The following CPNE5 variants were observed in gnomAD, a reference collection of about 807,000 sequenced individuals.
CPNE5 encodes the protein copine-5.
CPNE5 carries 42 observed loss-of-function variants against 81.1 expected under a neutral mutation model. That is an observed-to-expected ratio of 0.52 (90% CI 0.40 to 0.67). CPNE5 has a LOEUF of 0.67. CPNE5 is among the 30% of genes least tolerant of loss of function. The probability of loss-of-function intolerance (pLI) is 0.00; values close to 1 mark genes in which losing one functional copy is unlikely to be tolerated. For missense variants in CPNE5, 612 were observed against 815.5 expected, an observed-to-expected ratio of 0.75 and a Z score of 3.04; for synonymous variants, 313 against 321.5, an observed-to-expected ratio of 0.97 and a Z score of 0.28.
At chr6:36,761,659 A>G (rs893374898) in intron 12 of CPNE5, among the ~76,000 whole-genome samples, 1 of 152,208 alleles carries the variant, frequency 6.6e-6, no homozygotes, top group Non-Finnish European at 1.5e-5. Flanking sequence ...ATGGTGACAG[A>G]AGACAGTGCT....
chr6:36,746,248 C>A lies in CPNE5; in HGVS notation c.1200+148G>T, dbSNP rs1402892467. ...CAGGGAAGGGAGTGGATTTCTGGAG[C>A]CCCCCTACACACAGCAGGCAGTCTA... On this transcript the variant is annotated intron_variant, in intron 16 of 20. Transcript: ENST00000244751. This position sits in a 1 kb window ranked among gnomAD's most constrained non-coding sequence, Gnocchi z 4.5. 7.2e-7 allele frequency: 1 copy of A among 1,380,822 alleles called. No individual in the cohort carries two copies. The allele number at this position is 1,380,822 out of a possible 1,614,324, so 85.5% of individuals were successfully genotyped here. A position where few individuals can be genotyped will look rare whatever the true frequency, so the allele number is the denominator to read the frequency against.
At chr6:36,788,764 T>G (rs1392708569) in intron 8 of CPNE5, among the ~76,000 whole-genome samples, 1 of 146,760 alleles carries the variant, frequency 6.8e-6, no homozygotes, top group Non-Finnish European at 1.5e-5. Flanking sequence ...CAAGTACCAT[T>G]CGATAGTATT....
chr6:36,839,356 C>G lies in CPNE5; in HGVS notation c.22G>C (p.Ala8Pro), dbSNP rs768313580. Residue 8 changes from alanine (A) to proline (P), a missense_variant, in exon 1 of 21, where the codon GCG (alanine) becomes CCG (proline). Transcript: ENST00000244751. The surrounding 1 kb of genome is among the most constrained non-coding windows in gnomAD (Gnocchi z 7.3). Reference sequence around the variant, plus strand: ...AAGGAGTCGAACTCGCTCAGCGACGCCATGTCCTCAGGCTGCTCCATCGCC... The same window carrying G: ...AAGGAGTCGAACTCGCTCAGCGACGGCATGTCCTCAGGCTGCTCCATCGCC... MEQPEDMASLSEFDSLAG... is the reference protein window; with the variant it reads MEQPEDMPSLSEFDSLAG... 7.7e-6 allele frequency: 12 copies of G among 1,553,468 alleles called. No individual in the cohort carries two copies. In the Admixed American group the frequency reaches 1.3e-4, roughly 17 times the overall value.
At chr6:36,750,738 G>T (rs565694314) in intron 14 of CPNE5, among the ~76,000 whole-genome samples, 2 of 152,124 alleles carry the variant, frequency 1.3e-5, no homozygotes, top group African/African-American at 4.8e-5. Flanking sequence ...TGAAAGTCCC[G>T]CTCCCAGGGC....
chr6:36,768,582 T>G (rs1250052136), intron 10 of CPNE5, among the ~76,000 whole-genome samples: 1 of 152,156 alleles, frequency 6.6e-6, no homozygotes, highest in African/African-American at 2.4e-5. Flanking sequence ...CTGAAGTCAC[T>G]GCAGATGTCA....
chr6:36,811,439 T>C (rs1771094963), intron 3 of CPNE5, among the ~76,000 whole-genome samples: 1 of 152,226 alleles, frequency 6.6e-6, no homozygotes, highest in African/African-American at 2.4e-5. Context: ...CGAATTAGCT[T>C]ATTTACTCCT....
chr6:36,776,621 A>C (rs1378795648), intron 9 of CPNE5, among the ~76,000 whole-genome samples: 1 of 152,068 alleles, frequency 6.6e-6, no homozygotes, highest in African/African-American at 2.4e-5. Context: ...CTAGGCTCCA[A>C]ATACCACCCC....
chr6:36,787,994 G>T (rs1421191368), intron 8 of CPNE5, among the ~76,000 whole-genome samples: 1 of 151,902 alleles, frequency 6.6e-6, no homozygotes, highest in Non-Finnish European at 1.5e-5. Flanking sequence ...AGGGCAAAGA[G>T]CTATCCAACC....
rs746867344 is a variant in CPNE5, at chr6:36,775,043, C to T, written c.655G>A (p.Glu219Lys). ...DGTFTICHKTEVMKNTLNPVW... is the reference protein window; with the variant it reads ...DGTFTICHKTKVMKNTLNPVW... ...GGATTTAGGGTGTTCTTCATGACCTCGGTCTTGTGGCAAATGGTGAACCTG... is the reference window on the plus strand; with the variant it reads ...GGATTTAGGGTGTTCTTCATGACCTTGGTCTTGTGGCAAATGGTGAACCTG... Residue 219 changes from glutamate (E) to lysine (K), a missense_variant, in exon 10 of 21, where the codon GAG becomes AAG. Coordinates refer to ENST00000244751, the MANE Select transcript of CPNE5 (RefSeq NM_020939.2). 1.2e-6 allele frequency: 2 copies of T among 1,614,116 alleles called. No individual in the cohort carries two copies. The highest frequency in any genetic ancestry group is 1.7e-6 in the Non-Finnish European group (2 of 1,179,980).
At position 36,742,537 on chromosome 6, in the gene CPNE5, C is replaced by T. The variant is rs765688295; in HGVS notation, c.1564-51G>A. Reference sequence around the variant, plus strand: ...GCAGTGCCTCCTGTGGGACCCTGGCCCCCAAAATCTCCAGGCCTGGGGTTG... The same window carrying T: ...GCAGTGCCTCCTGTGGGACCCTGGCTCCCAAAATCTCCAGGCCTGGGGTTG... On this transcript the variant is annotated intron_variant, in intron 20 of 20. Transcript: ENST00000244751. The T allele has an allele frequency of 1.0e-5, 16 of 1,578,150 alleles. No individual in the cohort carries two copies. The South Asian group carries it at 1.1e-4, about 11-fold the overall frequency.
At chr6:36,818,283 C>A (rs1771737024) in intron 3 of CPNE5, among the ~76,000 whole-genome samples, 1 of 152,182 alleles carries the variant, frequency 6.6e-6, no homozygotes, top group African/African-American at 2.4e-5. Context: ...CTCCCCTGAA[C>A]TCCCATTTTC....
intron 9 of CPNE5, among the ~76,000 whole-genome samples, chr6:36,778,052 C>T (rs1357783813): frequency 1.3e-5 from 2 of 152,190 alleles, no homozygotes; most frequent in African/African-American, 2.4e-5. Flanking sequence ...TAAGTGGCCA[C>T]AGCCTGCCAG....
At position 36,774,947 on chromosome 6, in the gene CPNE5, T is replaced by A; in HGVS notation, c.737+14A>T. The A allele has an allele frequency of 6.2e-7, 1 of 1,603,218 alleles. No homozygotes were observed. The highest frequency in any genetic ancestry group is 8.5e-7 in the Non-Finnish European group (1 of 1,170,310). ...AAGCAGAAGGAAAAAAGAAGGGACA[T>A]TTTCTCATCTCACCGATCGTAGTCG... is the stretch of plus-strand genomic sequence containing the variant. On this transcript the variant is annotated intron_variant, in intron 10 of 20. Transcript: ENST00000244751.
chr6:36,813,951 A>G (rs1771319528), intron 3 of CPNE5, among the ~76,000 whole-genome samples: 2 of 152,176 alleles, frequency 1.3e-5, no homozygotes, highest in Non-Finnish European at 2.9e-5. Flanking sequence ...TAGTTAGTCT[A>G]CCCACAAAGG....
intron 14 of CPNE5, 84 bp downstream of exon 14, chr6:36,752,950 G>A: frequency 8.7e-7 from 1 of 1,146,896 alleles, no homozygotes; most frequent in Non-Finnish European, 1.3e-6. Flanking sequence ...AAGAGGCCAG[G>A]GTGGGGCCAG....
intron 10 of CPNE5, among the ~76,000 whole-genome samples, chr6:36,771,350 C>T (rs1767020481): frequency 6.6e-6 from 1 of 152,338 alleles, no homozygotes; most frequent in East Asian, 1.9e-4. Flanking sequence ...GGTTCTACCA[C>T]CGGCTGGCAG....
intron 3 of CPNE5, among the ~76,000 whole-genome samples, chr6:36,812,222 T>A (rs236389): frequency 0.57 from 87,301 of 152,038 alleles, 25,740 homozygotes; most frequent in African/African-American, 0.71. Context: ...TTCCTAGCTG[T>A]GTTGCTGGGC....
At chr6:36,787,957 AG>A (rs1768720943) in intron 8 of CPNE5, among the ~76,000 whole-genome samples, 1 of 151,782 alleles carries the variant, frequency 6.6e-6, no homozygotes. Flanking sequence ...ACAGGTCTCT[AG>A]GGGGAACCAA....
At chr6:36,812,621 G>T (rs1402769096) in intron 3 of CPNE5, among the ~76,000 whole-genome samples, 1 of 152,174 alleles carries the variant, frequency 6.6e-6, no homozygotes, top group Non-Finnish European at 1.5e-5. Flanking sequence ...GTCAAAGCAG[G>T]TTTTAAAGCC....
Sources: gnomAD v4.1 joint callset for allele counts (sites outside exome capture counted in the v4.1 genomes callset) on GRCh38, gnomAD v4.1.1 for gene constraint, Gnocchi (gnomAD v3.1) non-coding constraint, MANE v1.5 for transcripts, NCBI Gene and HGNC (gene_info 2026-07-23, HGNC 2026-07-21) for gene names.